CHN2: variants seen among roughly 807,000 people sequenced by gnomAD.
CHN2 encodes beta-chimaerin.
A neutral mutation model predicts 56.3 loss-of-function variants in CHN2; 35 were observed. That is an observed-to-expected ratio of 0.62 (90% confidence interval 0.47 to 0.82). CHN2 has a LOEUF of 0.82. Among genes scored for constraint, CHN2 ranks in the 40% least tolerant of loss-of-function variants. CHN2 has a pLI of 0.00. For missense variants in CHN2, 491 were observed against 580.5 expected, an observed-to-expected ratio of 0.85 and a Z score of 1.58; for synonymous variants, 210 against 212.8, an observed-to-expected ratio of 0.99 and a Z score of 0.12.
chr7:29,509,268 T>A (rs753738193), intron 11 of CHN2, 33 bp from the exon 12 acceptor site: 6 of 1,524,866 alleles, frequency 3.9e-6, no homozygotes. Flanking sequence ...TGCCACACTC[T>A]GAACTAATAC....
chr7:29,178,797 A>T (rs558648408), intron 2 of CHN2, among the ~76,000 whole-genome samples: 1 of 152,232 alleles, frequency 6.6e-6, no homozygotes, highest in Non-Finnish European at 1.5e-5. Flanking sequence ...ATGAAAAATG[A>T]CTTAAATCCC....
rs140582819 is a variant in CHN2 at position 29,161,110 on chromosome 7, G to A, written c.274+14150G>A. 6.3e-4 allele frequency among the ~76,000 whole-genome samples: 95 copies of A among 151,948 alleles called. 2 individuals carry two copies. In the East Asian group the frequency reaches 0.016, roughly 25 times the overall value. ...ACCAGATATTATCTTAAACCCCTTC[G>A]TTCTACCTTATCTATGATGAGCAAG... On this transcript the variant is annotated intron_variant, in intron 2 of 6. Coordinates refer to the CHN2 transcript ENST00000439384.
intron 1 of CHN2, among the ~76,000 whole-genome samples, chr7:29,195,639 TGTGTGTGTGTGA>T (rs144081527): frequency 3.5e-5 from 4 of 115,374 alleles, no homozygotes; most frequent in African/African-American, 3.6e-5. Flanking sequence ...AGTGTGTGTG[TGTGTGTGTGTGA>T]GAGAGAGAGA....
At chr7:29,509,720 C>T (rs12333975) in intron 12 of CHN2, 120,301 of 203,612 alleles carry the variant, frequency 0.59, 36,854 homozygotes, top group Non-Finnish European at 0.67. Context: ...TGGCAGCCGC[C>T]TGTAGTCCCA....
chr7:29,210,130 C>T (rs555772046), intron 1 of CHN2, among the ~76,000 whole-genome samples: 2 of 152,262 alleles, frequency 1.3e-5, no homozygotes, highest in South Asian at 4.1e-4. Context: ...TTTCCTCTTG[C>T]CAATTTATGG....
chr7:29,372,476 T>G (rs943167338), intron 3 of CHN2, among the ~76,000 whole-genome samples: 1 of 152,210 alleles, frequency 6.6e-6, no homozygotes, highest in African/African-American at 2.4e-5. Context: ...GATTGTTGCT[T>G]GTATATGCCT....
intron 6 of CHN2, among the ~76,000 whole-genome samples, chr7:29,472,293 A>G (rs990526151): frequency 5.4e-5 from 8 of 148,256 alleles, no homozygotes; most frequent in African/African-American, 1.3e-4. Context: ...ACACACACAC[A>G]CACACGCACA....
At chr7:29,434,378 C>CT (rs201268005) in intron 6 of CHN2, among the ~76,000 whole-genome samples, 25,633 of 147,800 alleles carry the variant, frequency 0.17, 2,673 homozygotes, top group African/African-American at 0.3. Context: ...AACAACAGAC[C>CT]TTTTTTTTTT....
chr7:29,354,572 G>T lies in CHN2; in HGVS notation c.50-53G>T. ...TGTTCCTCCAGAGAAGACACATGTT[G>T]ACAGCTTGACGTTCAGGCTGATGAT... On this transcript the variant is annotated intron_variant, in intron 1 of 12. Transcript: ENST00000222792. The T allele has an allele frequency of 2.6e-6, 4 of 1,510,376 alleles. No homozygotes were observed. The South Asian group carries it at 3.4e-5, about 13-fold the overall frequency. The allele number at this position is 1,510,376 out of a possible 1,614,324, so 93.6% of individuals were successfully genotyped here.
At chr7:29,146,986 C>T (rs1349196237) in intron 2 of CHN2, 1 of 1,550,590 alleles carries the variant, frequency 6.4e-7, no homozygotes, top group Non-Finnish European at 8.7e-7. Flanking sequence ...GTGCCACTGT[C>T]CTGCCAAGCA....
chr7:29,503,712 A>T (rs1287815694), intron 9 of CHN2, among the ~76,000 whole-genome samples: 1 of 152,260 alleles, frequency 6.6e-6, no homozygotes, highest in South Asian at 2.1e-4. Context: ...TATGGCAGAT[A>T]ATACATACTC....
rs1399921338 is a variant in CHN2, at chr7:29,507,228, A to C, written c.992A>C (p.Asp331Ala). 3 of 1,602,192 alleles carry C rather than the reference A, an allele frequency of 1.9e-6. No homozygotes were observed. The South Asian group carries it at 3.4e-5, about 18-fold the overall frequency. The change falls in exon 11 of 13, where the codon GAT becomes GCT. Residue 331 changes from aspartate (D) to alanine (A), a missense_variant and splice_region_variant. By Grantham distance (126) the Asp-to-Ala change is moderately radical. Coordinates refer to ENST00000222792, the MANE Select transcript of CHN2 (RefSeq NM_004067.4). Reference protein sequence around the residue: ...IEDVKMAFDRDGEKADISANV... With the variant: ...IEDVKMAFDRAGEKADISANV... The stretch of plus-strand genomic sequence containing the variant: ...ACTTGGATCACTGATTGTTTTTCAG[A>C]TGGTGAAAAGGCCGATATATCTGCC...
At chr7:29,305,805 T>TCCTCC (rs141763244) in intron 1 of CHN2, among the ~76,000 whole-genome samples, 1 of 130,604 alleles carries the variant, frequency 7.7e-6, no homozygotes, top group Non-Finnish European at 1.7e-5. Context: ...CTCCCGTTCC[T>TCCTCC]TCCTCCTCGT....
chr7:29,344,273 C>T (rs1317529000), intron 1 of CHN2, among the ~76,000 whole-genome samples: 1 of 152,210 alleles, frequency 6.6e-6, no homozygotes, highest in African/African-American at 2.4e-5. Context: ...TTCTCATCCT[C>T]CAGTCCACTT....
In CHN2 at chr7:29,434,794, T is replaced by G. The variant is rs543310174; in HGVS notation, c.576+33966T>G. The stretch of plus-strand genomic sequence containing the variant: ...TCAGAAACTTGTCATGTACAGTATT[T>G]GGAAAAGATATTAACAGGCCAGCAC... On this transcript the variant is annotated intron_variant, in intron 6 of 12. Transcript: ENST00000222792. Among the ~76,000 whole-genome samples, 16 of 152,270 alleles carry G rather than the reference T, an allele frequency of 1.1e-4. 1 individual carries two copies. In the East Asian group the frequency reaches 3.1e-3, roughly 29 times the overall value.
intron 6 of CHN2, among the ~76,000 whole-genome samples, chr7:29,437,782 A>C (rs1783349849): frequency 6.6e-6 from 1 of 152,046 alleles, no homozygotes; most frequent in Non-Finnish European, 1.5e-5. Flanking sequence ...GCATAGTCTG[A>C]AAAAGACAGG....
At chr7:29,363,775 C>T (rs1168838190) in intron 2 of CHN2, among the ~76,000 whole-genome samples, 1 of 152,098 alleles carries the variant, frequency 6.6e-6, no homozygotes, top group Non-Finnish European at 1.5e-5. Flanking sequence ...GAGGTTTAAG[C>T]AGATACTTGA....
At chr7:29,498,174 T>C (rs1233716259) in intron 8 of CHN2, among the ~76,000 whole-genome samples, 2 of 152,264 alleles carry the variant, frequency 1.3e-5, no homozygotes, top group Non-Finnish European at 2.9e-5. Flanking sequence ...ATATTTGCTA[T>C]TTATTTTATT....
chr7:29,433,219 A>G (rs1377864989), intron 6 of CHN2, among the ~76,000 whole-genome samples: 1 of 152,228 alleles, frequency 6.6e-6, no homozygotes, highest in Non-Finnish European at 1.5e-5. Context: ...AAGAAATAGA[A>G]TACAAAGTCA....
Sources: gnomAD v4.1 joint callset for allele counts (sites outside exome capture counted in the v4.1 genomes callset) on GRCh38, gnomAD v4.1.1 for gene constraint, MANE v1.5 for transcripts, NCBI Gene and HGNC (gene_info 2026-07-23, HGNC 2026-07-21) for gene names.